LTA: variants seen among roughly 807,000 people sequenced by gnomAD.
The protein encoded by LTA is lymphotoxin alpha.
A neutral mutation model predicts 15.1 loss-of-function variants in LTA; 6 were observed. That is an observed-to-expected ratio of 0.40 (90% confidence interval 0.22 to 0.78). The LOEUF (loss-of-function observed/expected upper bound fraction) is 0.78, where lower values mean the gene tolerates loss of function less well. LTA is among the 30% of genes least tolerant of loss of function. LTA has a pLI of 0.38. For synonymous variants in LTA, 87 were observed against 107.3 expected, an observed-to-expected ratio of 0.81 and a Z score of 1.17; for missense variants, 173 against 249.5, an observed-to-expected ratio of 0.69 and a Z score of 2.06.
chr6:31,565,486 G>A, the LTA span, among the ~76,000 whole-genome samples: 1 of 152,072 alleles, frequency 6.6e-6, no homozygotes, highest in Non-Finnish European at 1.5e-5. Flanking sequence ...GGTCTTATAG[G>A]GATGCACAAG....
At chr6:31,569,985 C>G (rs1353888161), upstream of LTA, among the ~76,000 whole-genome samples, 2 of 152,116 alleles carry the variant, frequency 1.3e-5, no homozygotes, top group African/African-American at 4.8e-5. Flanking sequence ...AGATGATACT[C>G]CTTTTGTTCA....
chr6:31,573,162 C>A, intron 3 of LTA, 119 bp from the exon 4 acceptor site: 2 of 1,211,576 alleles, frequency 1.7e-6, no homozygotes, highest in Non-Finnish European at 2.4e-6. Context: ...GAGCCCACTC[C>A]TATGCCTCCC....
At chr6:31,565,829 C>T in the LTA span, among the ~76,000 whole-genome samples, 15,837 of 152,114 alleles carry the variant, frequency 0.1, 959 homozygotes, top group Non-Finnish European at 0.13. Context: ...ACCATCAATG[C>T]CACTGCCACC....
upstream of LTA, among the ~76,000 whole-genome samples, chr6:31,568,494 G>C (rs1770687397): frequency 6.6e-6 from 1 of 152,138 alleles, no homozygotes; most frequent in Non-Finnish European, 1.5e-5. This position sits in a 1 kb window ranked among gnomAD's most constrained non-coding sequence, Gnocchi z 4.1. Flanking sequence ...GATTTGGGTT[G>C]AGGTTAAATT....
Position 31,573,449 on chromosome 6 carries a change from CCT to C in LTA, c.376_377del (p.Ser126LeufsTer8). On this transcript the variant is annotated frameshift_variant, in exon 4 of 4. Transcript: ENST00000418386. LOFTEE classifies it high-confidence loss of function. The stretch of plus-strand genomic sequence containing the variant: ...GGGAAAGCCTACTCTCCCAAGGCCA[CCT>C]CCTCCCCACTCTACCTGGCCCATGA... The C allele has an allele frequency of 6.2e-7, 1 of 1,614,180 alleles. No homozygotes were observed.
upstream of LTA, chr6:31,572,197 G>A (rs145829373): frequency 1.1e-3 from 187 of 166,196 alleles, no homozygotes; most frequent in Admixed American, 2.6e-3. Context: ...GGGCTTCCCC[G>A]GGCCCCAGCC....
chr6:31,567,562 C>A (rs1349893854), upstream of LTA, among the ~76,000 whole-genome samples: 2 of 142,354 alleles, frequency 1.4e-5, no homozygotes, highest in African/African-American at 5.4e-5. Context: ...GACACCATGT[C>A]AAAAGAAAAA....
upstream of LTA, among the ~76,000 whole-genome samples, chr6:31,569,413 T>C: frequency 6.6e-6 from 1 of 151,970 alleles, no homozygotes; most frequent in African/African-American, 2.4e-5. Flanking sequence ...AAAAGGACCC[T>C]GAGAGAAAGG....
At chr6:31,567,604 T>TTCTC (rs1554281342), upstream of LTA, among the ~76,000 whole-genome samples, 1 of 103,390 alleles carries the variant, frequency 9.7e-6, no homozygotes, top group East Asian at 2.6e-4. Context: ...ACCTCCCTCT[T>TTCTC]TCTCTCTCTC....
At chr6:31,562,195 T>A in the LTA span, among the ~76,000 whole-genome samples, 1 of 151,836 alleles carries the variant, frequency 6.6e-6, no homozygotes, top group South Asian at 2.1e-4. Context: ...GTTGAAAAGA[T>A]TGTTGGGTTC....
At chr6:31,566,604 C>T in the LTA span, among the ~76,000 whole-genome samples, 1 of 148,312 alleles carries the variant, frequency 6.7e-6, no homozygotes, top group Non-Finnish European at 1.5e-5. Context: ...TGTGCCACTG[C>T]ACTCCAGCCT....
At chr6:31,569,574 C>T (rs1770729814), upstream of LTA, among the ~76,000 whole-genome samples, 1 of 152,180 alleles carries the variant, frequency 6.6e-6, no homozygotes, top group East Asian at 1.9e-4. Flanking sequence ...TGGTGGGTCA[C>T]CTGTGGTCAG....
chr6:31,573,838 G>A lies in LTA; in HGVS notation c.*145G>A. Reference sequence around the variant, plus strand: ...AGTCTTCCCTGATCAAGTCACCGGAGCTTTCAAAGAAGGAATTCTAGGCAT... The same window carrying A: ...AGTCTTCCCTGATCAAGTCACCGGAACTTTCAAAGAAGGAATTCTAGGCAT... On this transcript the variant is annotated 3_prime_UTR_variant, in exon 4 of 4. Coordinates refer to ENST00000418386, the MANE Select transcript of LTA (RefSeq NM_000595.4). The A allele has an allele frequency of 3.1e-6, 3 of 977,248 alleles. 1 individual carries two copies. The highest frequency in any genetic ancestry group is 4.7e-6 in the Non-Finnish European group (3 of 631,888). 60.5% of individuals were successfully genotyped at this position (977,248 alleles called of 1,614,324 possible).
intron 1 of LTA, 92 bp from the exon 2 acceptor site, chr6:31,572,642 G>GCCGTATCATTAATAAAA: frequency 2.4e-6 from 2 of 828,696 alleles, no homozygotes; most frequent in Admixed American, 4.0e-5. Flanking sequence ...CTCGGGGGTC[G>GCCGTATCATTAATAAAA]GGGGGTGCTC....
chr6:31,569,501 A>C (rs1167357880), upstream of LTA, among the ~76,000 whole-genome samples: 2 of 152,186 alleles, frequency 1.3e-5, no homozygotes, highest in African/African-American at 4.8e-5. Context: ...GGTTAAAAGA[A>C]TGAGAAGAAG....
rs1046291329 is a variant in LTA at position 31,573,773 on chromosome 6, G to C, written c.*80G>C. On this transcript the variant is annotated 3_prime_UTR_variant, in exon 4 of 4. Transcript: ENST00000418386. ...TCTGCCTCCATTCTGACCATTTCAG[G>C]GGTCGTCACCACCTCTCCTTTGGCC... The C allele has an allele frequency of 6.5e-7, 1 of 1,531,342 alleles. No homozygotes were observed. The allele number at this position is 1,531,342 out of a possible 1,614,324, so 94.9% of individuals were successfully genotyped here.
chr6:31,569,882 C>G (rs1770746360), upstream of LTA, among the ~76,000 whole-genome samples: 2 of 152,142 alleles, frequency 1.3e-5, no homozygotes, highest in African/African-American at 4.8e-5. Context: ...AGGTTCTGCC[C>G]TATACCTGGG....
upstream of LTA, among the ~76,000 whole-genome samples, chr6:31,570,226 T>C (rs1331426077): frequency 6.6e-6 from 1 of 152,132 alleles, no homozygotes; most frequent in Non-Finnish European, 1.5e-5. Context: ...ACAGAAATAA[T>C]AGCTAAGACT....
chr6:31,566,043 T>G, the LTA span, among the ~76,000 whole-genome samples: 1 of 151,932 alleles, frequency 6.6e-6, no homozygotes, highest in Non-Finnish European at 1.5e-5. Flanking sequence ...CCAGGCACGG[T>G]GGCGCATGCC....
Sources: allele counts gnomAD v4.1 joint callset (sites outside exome capture counted in the v4.1 genomes callset), GRCh38; gene constraint gnomAD v4.1.1; non-coding constraint Gnocchi (gnomAD v3.1); transcripts MANE v1.5; gene names NCBI Gene and HGNC (gene_info 2026-07-23, HGNC 2026-07-21).